Variants in UGT8 observed in about 807,000 individuals in gnomAD.
The protein encoded by UGT8 is 2-hydroxyacylsphingosine 1-beta-galactosyltransferase.
In UGT8, 12 loss-of-function variants were observed where a neutral mutation model predicts 40.5. The ratio of observed to expected loss-of-function variants is 0.30; its 90% confidence interval spans 0.19 to 0.48. UGT8 has a LOEUF of 0.48. UGT8 is among the 20% of genes least tolerant of loss of function. The probability of loss-of-function intolerance (pLI) is 0.99; values close to 1 mark genes in which losing one functional copy is unlikely to be tolerated. For missense variants in UGT8, 513 were observed against 648.7 expected, an observed-to-expected ratio of 0.79 and a Z score of 2.27; for synonymous variants, 224 against 240.4, an observed-to-expected ratio of 0.93 and a Z score of 0.63.
chr4:114,653,853 C>G (rs1256898039), intron 2 of UGT8, among the ~76,000 whole-genome samples: 1 of 152,062 alleles, frequency 6.6e-6, no homozygotes, highest in Non-Finnish European at 1.5e-5. Flanking sequence ...CTGAAATGGA[C>G]TATGAACTTC....
intron 2 of UGT8, among the ~76,000 whole-genome samples, chr4:114,639,910 A>G (rs1297509311): frequency 6.6e-6 from 1 of 152,136 alleles, no homozygotes; most frequent in Non-Finnish European, 1.5e-5. Flanking sequence ...AGGATGATGG[A>G]TGCCTTATTG....
chr4:114,675,980 C>G lies in UGT8; in HGVS notation c.1318C>G (p.Pro440Ala). 2 of 1,614,108 alleles carry G rather than the reference C, an allele frequency of 1.2e-6. No individual in the cohort carries two copies. Among genetic ancestry groups the G allele is most frequent in the Non-Finnish European group, 1.7e-6 (2 of 1,180,022 alleles). ...SEIHKDQPGH[P>A]VNRTIYWIDY... ...AATTCACAAGGATCAACCTGGTCAC[C>G]CTGTCAATCGAACTATCTATTGGAT... Residue 440 changes from proline to alanine, a missense_variant, in exon 6 of 6, where the codon CCT becomes GCT. Around this residue, in one of 3 missense-constraint regions of UGT8, gnomAD observed 175 missense variants for 186.7 expected, o/e 0.94. Transcript: ENST00000310836.
At chr4:114,636,877 T>A (rs1292255914) in intron 2 of UGT8, among the ~76,000 whole-genome samples, 1 of 152,198 alleles carries the variant, frequency 6.6e-6, no homozygotes, top group Admixed American at 6.5e-5. Flanking sequence ...TTTTCTTAAA[T>A]TTAAACCGCT....
chr4:114,611,452 A>ACC, intron 1 of UGT8, among the ~76,000 whole-genome samples: 1 of 137,980 alleles, frequency 7.2e-6, no homozygotes, highest in Admixed American at 7.5e-5. Flanking sequence ...ATATACACAC[A>ACC]CACACAGAGA....
intron 2 of UGT8, among the ~76,000 whole-genome samples, chr4:114,623,995 A>C (rs373670399): frequency 1.2e-4 from 19 of 152,318 alleles, no homozygotes; most frequent in African/African-American, 4.3e-4. Context: ...TGTGAGGAGA[A>C]TATAGTTAAA....
At chr4:114,662,310 T>C (rs1035044360) in intron 2 of UGT8, among the ~76,000 whole-genome samples, 6 of 152,218 alleles carry the variant, frequency 3.9e-5, no homozygotes, top group African/African-American at 1.2e-4. Context: ...TTTTGGCCAT[T>C]CAACCTCATG....
At chr4:114,631,229 C>A (rs566638828) in intron 2 of UGT8, among the ~76,000 whole-genome samples, 1 of 152,266 alleles carries the variant, frequency 6.6e-6, no homozygotes. Context: ...CACCTGTAAT[C>A]CCAGCACTTT....
intron 2 of UGT8, among the ~76,000 whole-genome samples, chr4:114,633,267 A>G (rs898340800): frequency 1.3e-5 from 2 of 152,208 alleles, no homozygotes; most frequent in Non-Finnish European, 2.9e-5. Flanking sequence ...GAAATAATAA[A>G]GATGTAAACA....
chr4:114,641,917 C>T (rs957747827), intron 2 of UGT8, among the ~76,000 whole-genome samples: 1 of 151,998 alleles, frequency 6.6e-6, no homozygotes, highest in Non-Finnish European at 1.5e-5. Context: ...ATAAAATCAA[C>T]GTGACTGATA....
chr4:114,659,686 T>C (rs1734401394), intron 2 of UGT8, among the ~76,000 whole-genome samples: 2 of 152,198 alleles, frequency 1.3e-5, no homozygotes, highest in Admixed American at 1.3e-4. Context: ...TTCTGTACCT[T>C]ATCCACAAAT....
chr4:114,668,323 T>G lies in UGT8; in HGVS notation c.1262+19T>G. On this transcript the variant is annotated intron_variant, in intron 5 of 5. Transcript: ENST00000310836. ...ATCCCAGGTAAGGTTTCAATTAACA[T>G]TAAAGCTGATGAACTTACATACCAC... is the stretch of plus-strand genomic sequence containing the variant. 1 of 1,604,162 alleles carries G rather than the reference T, an allele frequency of 6.2e-7. No homozygotes were observed. Among genetic ancestry groups the G allele is most frequent in the Non-Finnish European group, 8.5e-7 (1 of 1,171,544 alleles).
chr4:114,600,960 C>G (rs759369669), intron 1 of UGT8, among the ~76,000 whole-genome samples: 1 of 152,036 alleles, frequency 6.6e-6, no homozygotes, highest in Admixed American at 6.5e-5. Flanking sequence ...TTATACAAGT[C>G]TTTAAAAACT....
chr4:114,662,409 G>GCTCTCTC (rs1734597291), intron 2 of UGT8, among the ~76,000 whole-genome samples: 1 of 152,196 alleles, frequency 6.6e-6, no homozygotes, highest in African/African-American at 2.4e-5. Context: ...AAAATTTGAA[G>GCTCTCTC]TACAGTCTCT....
intron 2 of UGT8, among the ~76,000 whole-genome samples, chr4:114,662,419 T>C (rs922894419): frequency 2.6e-5 from 4 of 152,216 alleles, no homozygotes; most frequent in Non-Finnish European, 5.9e-5. Flanking sequence ...GTACAGTCTC[T>C]ACTGAAGGAG....
In UGT8 at chr4:114,665,688, G is replaced by A; in HGVS notation, c.974G>A (p.Gly325Glu). The A allele has an allele frequency of 1.2e-6, 2 of 1,604,658 alleles. No homozygotes were observed. The highest frequency in any genetic ancestry group is 1.7e-6 in the Non-Finnish European group (2 of 1,176,490). Reference protein sequence around the residue: ...LPQKVIWRFSGPKPKNLGNNT... With the variant: ...LPQKVIWRFSEPKPKNLGNNT... ...TCTGGTGTACATTTTAGGTTTTCTG[G>A]ACCCAAACCAAAGAATCTAGGAAAC... Residue 325 changes from glycine to glutamate, a missense_variant, in exon 4 of 6, where the codon GGA becomes GAA. Gly to Glu is a moderately conservative substitution (Grantham distance 98). This residue lies in a region of UGT8 where 335 missense variants were observed against 444.8 expected (regional missense o/e 0.75). Transcript: ENST00000310836.
At chr4:114,634,512 G>A (rs1018890801) in intron 2 of UGT8, among the ~76,000 whole-genome samples, 1 of 152,200 alleles carries the variant, frequency 6.6e-6, no homozygotes, top group Non-Finnish European at 1.5e-5. Context: ...ACTAGAAAAA[G>A]TGATATCATA....
chr4:114,633,884 C>T (rs1732726647), intron 2 of UGT8, among the ~76,000 whole-genome samples: 1 of 151,780 alleles, frequency 6.6e-6, no homozygotes, highest in South Asian at 2.1e-4. Flanking sequence ...GCAGAGGTTG[C>T]AGTGAGCCCA....
chr4:114,640,066 T>A (rs1733119313), intron 2 of UGT8, among the ~76,000 whole-genome samples: 1 of 149,926 alleles, frequency 6.7e-6, no homozygotes, highest in Non-Finnish European at 1.5e-5. Flanking sequence ...AGTCTCGCTC[T>A]GTCGCCCAGG....
Position 114,643,204 on chromosome 4 carries a change from GT to G in UGT8, c.822+19503del, listed in dbSNP as rs139034070. Reference sequence around the variant, plus strand: ...AATGTCTGGATGCGGGTCAATGGCAGTGGCTTCTGGGTAATTAGGCAGTCAT... The same window carrying G: ...AATGTCTGGATGCGGGTCAATGGCAGGGCTTCTGGGTAATTAGGCAGTCAT... On this transcript the variant is annotated intron_variant, in intron 2 of 5. Coordinates refer to ENST00000310836, the MANE Select transcript of UGT8 (RefSeq NM_001128174.3). Among the ~76,000 whole-genome samples, 872 of 152,272 alleles carry G rather than the reference GT, an allele frequency of 5.7e-3. 8 individuals are homozygous for G. Among genetic ancestry groups the G allele is most frequent in the African/African-American group, 0.02 (829 of 41,566 alleles).
Sources: gnomAD v4.1 joint callset for allele counts (sites outside exome capture counted in the v4.1 genomes callset) on GRCh38, gnomAD v4.1.1 for gene constraint, gnomAD v4.1.1 regional missense constraint, MANE v1.5 for transcripts, NCBI Gene and HGNC (gene_info 2026-07-23, HGNC 2026-07-21) for gene names.